The following TMEM117 variants were observed in gnomAD, a reference collection of about 807,000 sequenced individuals.
The protein encoded by TMEM117 is transmembrane protein 117.
In TMEM117, 27 loss-of-function variants were observed where a neutral mutation model predicts 52.4. That is an observed-to-expected ratio of 0.51 (90% CI 0.38 to 0.71). The LOEUF is 0.71. TMEM117 is among the 30% of genes least tolerant of loss of function. The probability of loss-of-function intolerance (pLI) is 0.00; values close to 1 mark genes in which losing one functional copy is unlikely to be tolerated. For synonymous variants in TMEM117, 215 were observed against 206.3 expected (o/e 1.04, Z -0.36); for missense variants, 556 against 630.5 (o/e 0.88, Z 1.26).
intron 6 of TMEM117, among the ~76,000 whole-genome samples, chr12:44,359,062 C>T (rs1321722316): frequency 6.6e-6 from 1 of 151,960 alleles, no homozygotes; most frequent in East Asian, 1.9e-4. Flanking sequence ...ATATTATATC[C>T]CCTTTGAACC....
chr12:43,977,930 A>G (rs538995278), intron 3 of TMEM117, among the ~76,000 whole-genome samples: 6 of 152,336 alleles, frequency 3.9e-5, no homozygotes, highest in Admixed American at 3.9e-4. Flanking sequence ...GGATACATGT[A>G]CATATGTAGT....
intron 3 of TMEM117, among the ~76,000 whole-genome samples, chr12:44,124,041 A>ATT (rs56849290): frequency 2.6e-5 from 4 of 151,882 alleles, no homozygotes; most frequent in African/African-American, 9.7e-5. Flanking sequence ...TGAGCATGGA[A>ATT]TTTTTTTTCC....
intron 4 of TMEM117, among the ~76,000 whole-genome samples, chr12:44,163,411 A>G (rs1948923764): frequency 6.6e-6 from 1 of 152,200 alleles, no homozygotes; most frequent in African/African-American, 2.4e-5. Context: ...TAGTAATAAT[A>G]TAAATTTTCT....
At chr12:43,918,912 A>C (rs1402368324) in intron 2 of TMEM117, among the ~76,000 whole-genome samples, 2 of 152,180 alleles carry the variant, frequency 1.3e-5, no homozygotes, top group Non-Finnish European at 2.9e-5. Flanking sequence ...AAGTTTTCTC[A>C]TTTGATTTCC....
chr12:43,975,151 C>A (rs1023833660), intron 3 of TMEM117, among the ~76,000 whole-genome samples: 1 of 152,168 alleles, frequency 6.6e-6, no homozygotes, highest in Non-Finnish European at 1.5e-5. Flanking sequence ...ACTATAAAAT[C>A]TCTAACTGGG....
chr12:44,161,179 C>T (rs1480178445), intron 4 of TMEM117, among the ~76,000 whole-genome samples: 1 of 152,042 alleles, frequency 6.6e-6, no homozygotes, highest in African/African-American at 2.4e-5. Flanking sequence ...AAATTAAACC[C>T]TGGAAGTTTG....
At position 44,299,441 on chromosome 12, in the gene TMEM117, TC is replaced by T. The variant is rs1950810659; in HGVS notation, c.609-138del. 5 of 1,171,364 alleles carry T rather than the reference TC, an allele frequency of 4.3e-6. No individual in the cohort carries two copies. The East Asian group carries it at 1.3e-4, about 31-fold the overall frequency. The allele number at this position is 1,171,364 out of a possible 1,614,324, so 72.6% of individuals were successfully genotyped here. A position where few individuals can be genotyped will look rare whatever the true frequency, so the allele number is the denominator to read the frequency against. ...AGCCACCATGCCCGGCCAACTTTTT[TC>T]ATCTTCCTTTTGGCTAATATACCTT... On this transcript the variant is annotated intron_variant, in intron 5 of 7. Coordinates refer to ENST00000266534, the MANE Select transcript of TMEM117 (RefSeq NM_032256.3).
At chr12:43,993,669 A>G (rs913450604) in intron 3 of TMEM117, among the ~76,000 whole-genome samples, 4 of 151,948 alleles carry the variant, frequency 2.6e-5, no homozygotes, top group African/African-American at 9.7e-5. Flanking sequence ...TAAATTAAAA[A>G]CCACCTATAA....
chr12:44,177,367 T>G (rs1949130278), intron 4 of TMEM117, among the ~76,000 whole-genome samples: 2 of 152,186 alleles, frequency 1.3e-5, no homozygotes, highest in Non-Finnish European at 2.9e-5. Context: ...ATGAACAACC[T>G]CTTTGCAATC....
intron 5 of TMEM117, among the ~76,000 whole-genome samples, chr12:44,245,659 C>G (rs1950120060): frequency 6.6e-6 from 1 of 151,536 alleles, no homozygotes; most frequent in Admixed American, 6.6e-5. Flanking sequence ...TTCACTTCTT[C>G]CTTTCCTATT....
At chr12:43,995,474 A>C (rs1489424704) in intron 3 of TMEM117, among the ~76,000 whole-genome samples, 1 of 152,168 alleles carries the variant, frequency 6.6e-6, no homozygotes, top group African/African-American at 2.4e-5. Flanking sequence ...CTCTCTCTCC[A>C]TACTCTTTGA....
intron 6 of TMEM117, among the ~76,000 whole-genome samples, chr12:44,362,862 G>A (rs1197041119): frequency 6.8e-6 from 1 of 146,656 alleles, no homozygotes; most frequent in Non-Finnish European, 1.5e-5. Flanking sequence ...TTGGTTGGTT[G>A]CTTGTTTTGA....
intron 3 of TMEM117, among the ~76,000 whole-genome samples, chr12:44,016,503 T>C (rs1946375937): frequency 6.6e-6 from 1 of 152,186 alleles, no homozygotes; most frequent in Admixed American, 6.5e-5. Flanking sequence ...TCTAACTTAA[T>C]TACTGTTTTG....
At chr12:44,207,116 A>G (rs79166360) in intron 4 of TMEM117, among the ~76,000 whole-genome samples, 1 of 152,036 alleles carries the variant, frequency 6.6e-6, no homozygotes, top group South Asian at 2.1e-4. Flanking sequence ...AATTTTATCT[A>G]TTATGTTCAT....
At chr12:44,364,225 A>G (rs1285137243) in intron 6 of TMEM117, among the ~76,000 whole-genome samples, 1 of 152,132 alleles carries the variant, frequency 6.6e-6, no homozygotes, top group Non-Finnish European at 1.5e-5. Flanking sequence ...TTGCTTCCAT[A>G]TAGTCTCTCT....
upstream of TMEM117, among the ~76,000 whole-genome samples, chr12:43,835,815 G>A (rs1179009996): frequency 2.6e-5 from 4 of 151,834 alleles, no homozygotes; most frequent in Admixed American, 1.3e-4. Context: ...CACGCGGCCC[G>A]CGGGCTGGAG....
intron 3 of TMEM117, among the ~76,000 whole-genome samples, chr12:44,085,172 A>C (rs1947545712): frequency 6.6e-6 from 1 of 152,112 alleles, no homozygotes; most frequent in Admixed American, 6.5e-5. Flanking sequence ...AACATTTCTC[A>C]TTTGTAGTCT....
intron 2 of TMEM117, among the ~76,000 whole-genome samples, chr12:43,909,510 A>G (rs917747517): frequency 2.9e-4 from 41 of 141,784 alleles, no homozygotes; most frequent in African/African-American, 1.0e-3. Flanking sequence ...AGCAGAACTG[A>G]AGGAAATAGA....
chr12:43,910,624 G>C (rs554677497), intron 2 of TMEM117, among the ~76,000 whole-genome samples: 3 of 151,876 alleles, frequency 2.0e-5, no homozygotes, highest in Admixed American at 1.3e-4. Context: ...ATCTCCTTCA[G>C]CTGATAAGCA....
Sources: gnomAD v4.1 joint callset for allele counts (sites outside exome capture counted in the v4.1 genomes callset) on GRCh38, gnomAD v4.1.1 for gene constraint, MANE v1.5 for transcripts, NCBI Gene and HGNC (gene_info 2026-07-23, HGNC 2026-07-21) for gene names.